Variants in LRRFIP1 observed in about 807,000 individuals in gnomAD.
LRRFIP1 encodes the protein LRR binding FLII interacting protein 1, also known as leucine-rich repeat flightless-interacting protein 1.
Under a neutral mutation model 104.4 loss-of-function variants are expected in LRRFIP1, and 62 were observed. That is an observed-to-expected ratio of 0.59 (90% CI 0.48 to 0.73). The LOEUF is 0.73. Ranked by LOEUF, LRRFIP1 falls within the 30% of genes least tolerant of loss-of-function variation. LRRFIP1 has a pLI of 0.00. For missense variants in LRRFIP1, 796 were observed against 824.5 expected (o/e 0.97, Z 0.42); for synonymous variants, 300 against 299.0 (o/e 1.00, Z -0.03).
intron 19 of LRRFIP1, chr2:237,768,438 A>C (rs758185668): frequency 7.2e-5 from 11 of 152,262 alleles, no homozygotes; most frequent in Non-Finnish European, 1.2e-4. Flanking sequence ...CTTCAAGATC[A>C]CATTCTGGTG....
At chr2:237,675,734 C>A (rs931956656) in intron 1 of LRRFIP1, among the ~76,000 whole-genome samples, 1 of 152,186 alleles carries the variant, frequency 6.6e-6, no homozygotes, top group Non-Finnish European at 1.5e-5. Context: ...AAAAAAATAT[C>A]TCTATCTTCC....
At chr2:237,774,217 C>T in intron 22 of LRRFIP1, 141 bp from the exon 23 acceptor site, 1 of 627,602 alleles carries the variant, frequency 1.6e-6, no homozygotes, top group East Asian at 2.8e-5. Flanking sequence ...AAACCCACAC[C>T]ATAGTCCAAA....
chr2:237,727,608 G>A (rs2094811561), intron 7 of LRRFIP1, among the ~76,000 whole-genome samples: 1 of 152,170 alleles, frequency 6.6e-6, no homozygotes, highest in Non-Finnish European at 1.5e-5. Context: ...GGAGGGACTT[G>A]GTGCCACTTT....
At chr2:237,636,352 C>CTTTTTT (rs59582281) in intron 1 of LRRFIP1, among the ~76,000 whole-genome samples, 11 of 124,414 alleles carry the variant, frequency 8.8e-5, no homozygotes, top group East Asian at 2.4e-4. Context: ...CCTTTCTTTT[C>CTTTTTT]TTTTTTTTTT....
intron 16 of LRRFIP1, 85 bp downstream of exon 16, chr2:237,756,272 G>C (rs886918625): frequency 2.1e-6 from 2 of 943,086 alleles, no homozygotes; most frequent in African/African-American, 3.3e-5. Flanking sequence ...TTAGGCTGCA[G>C]TAATAAAATA....
At position 237,764,150 on chromosome 2, in the gene LRRFIP1, G is replaced by A. The variant is rs758803371; in HGVS notation, c.1459+3945G>A. ...CTGTACCATGTCCTAAGCTGAGGCA[G>A]GCGGCAGGCGCGGTGCACAGGAAGT... On this transcript the variant is annotated intron_variant, in intron 19 of 23. Transcript: ENST00000308482. 20 of 1,614,168 alleles carry A rather than the reference G, an allele frequency of 1.2e-5. No individual in the cohort carries two copies. The South Asian group carries it at 2.1e-4, about 17-fold the overall frequency.
At chr2:237,756,998 G>A (rs145470092) in intron 16 of LRRFIP1, among the ~76,000 whole-genome samples, 211 of 151,748 alleles carry the variant, frequency 1.4e-3, no homozygotes, top group African/African-American at 4.9e-3. Flanking sequence ...AAGGAAAGCA[G>A]CTCAGTCTTA....
At chr2:237,745,569 C>G (rs556152862) in intron 11 of LRRFIP1, among the ~76,000 whole-genome samples, 1 of 152,132 alleles carries the variant, frequency 6.6e-6, no homozygotes, top group Non-Finnish European at 1.5e-5. Flanking sequence ...CAAAACCATG[C>G]AGAACAAAGA....
intron 18 of LRRFIP1, among the ~76,000 whole-genome samples, chr2:237,759,289 GCCAAGGCGTCTTCA>G (rs1559813262): frequency 6.6e-6 from 1 of 152,056 alleles, no homozygotes; most frequent in Non-Finnish European, 1.5e-5. Flanking sequence ...GGTGGGCCAC[GCCAAGGCGTCTTCA>G]GCCGCTGCTT....
intron 5 of LRRFIP1, among the ~76,000 whole-genome samples, chr2:237,719,940 C>CTTTTTTTTTTTTT (rs57355213): frequency 1.9e-5 from 2 of 103,974 alleles, no homozygotes; most frequent in Non-Finnish European, 3.8e-5. Flanking sequence ...GATGAAATTA[C>CTTTTTTTTTTTTT]TTTTTTTTTT....
Position 237,764,503 on chromosome 2 carries a change from T to A in LRRFIP1, c.1459+4298T>A, listed in dbSNP as rs1032285723. The stretch of plus-strand genomic sequence containing the variant: ...CTTGACCAAATATATCAGCATCTAA[T>A]TGAAATGACCAAATAGCATTCTTAG... On this transcript the variant is annotated intron_variant, in intron 19 of 23. Coordinates refer to ENST00000308482, the MANE Select transcript of LRRFIP1 (RefSeq NM_001137550.2). The A allele has an allele frequency of 6.3e-6, 7 of 1,112,952 alleles. No homozygotes were observed. The African/African-American group carries it at 9.8e-5, about 16-fold the overall frequency. The allele number at this position is 1,112,952 out of a possible 1,614,324, so 68.9% of individuals were successfully genotyped here.
intron 1 of LRRFIP1, among the ~76,000 whole-genome samples, chr2:237,635,350 G>A (rs1348443786): frequency 1.3e-5 from 2 of 152,184 alleles, no homozygotes; most frequent in Non-Finnish European, 2.9e-5. Flanking sequence ...GCTGTTCCTT[G>A]TGTGAGAAAG....
At chr2:237,743,685 C>A (rs890341261) in intron 11 of LRRFIP1, among the ~76,000 whole-genome samples, 9 of 151,980 alleles carry the variant, frequency 5.9e-5, no homozygotes, top group African/African-American at 1.9e-4. Context: ...TGCCCCAGCC[C>A]TCATGGGACG....
intron 1 of LRRFIP1, among the ~76,000 whole-genome samples, chr2:237,675,269 C>T (rs1259817575): frequency 6.6e-6 from 1 of 152,200 alleles, no homozygotes; most frequent in African/African-American, 2.4e-5. Context: ...CAAGCAACAC[C>T]TGTTTAGGGG....
chr2:237,692,626 G>T, intron 1 of LRRFIP1: 1 of 1,333,442 alleles, frequency 7.5e-7, no homozygotes, highest in African/African-American at 1.5e-5. Context: ...CCCGGGAGGC[G>T]TGGGGTGGGC....
intron 1 of LRRFIP1, among the ~76,000 whole-genome samples, chr2:237,653,305 G>C (rs190592594): frequency 6.6e-6 from 1 of 152,228 alleles, no homozygotes; most frequent in Admixed American, 6.5e-5. Context: ...TGTAAACAAG[G>C]AGGTGAAGGA....
chr2:237,703,906 T>C lies in LRRFIP1; in HGVS notation c.97-4638T>C, dbSNP rs1193424952. On this transcript the variant is annotated intron_variant, in intron 1 of 23. Coordinates refer to ENST00000308482, the MANE Select transcript of LRRFIP1 (RefSeq NM_001137550.2). This position sits in a 1 kb window ranked among gnomAD's most constrained non-coding sequence, Gnocchi z 4.3. The stretch of plus-strand genomic sequence containing the variant: ...AAAGTGACAGGCCGTGTTCAGAAGC[T>C]CTTCAAGCAGTCTGACGTGGCTGTG... Among the ~76,000 whole-genome samples, 1 of 152,108 alleles carries C rather than the reference T, an allele frequency of 6.6e-6. No homozygotes were observed. The highest frequency in any genetic ancestry group is 1.5e-5 in the Non-Finnish European group (1 of 68,024).
intron 1 of LRRFIP1, among the ~76,000 whole-genome samples, chr2:237,630,003 GAGA>G (rs1296455406): frequency 5.9e-5 from 9 of 152,176 alleles, no homozygotes; most frequent in Admixed American, 5.2e-4. Flanking sequence ...CTCTAAAATG[GAGA>G]AGAAGAAACC....
chr2:237,750,885 C>T lies in LRRFIP1; in HGVS notation c.796-315C>T, dbSNP rs569074443. 5.9e-5 allele frequency among the ~76,000 whole-genome samples: 9 copies of T among 152,200 alleles called. No homozygotes were observed. The South Asian group carries it at 1.9e-3, about 32-fold the overall frequency. Reference sequence around the variant, plus strand: ...TTGCACAGAGTAGGAACTCCTAGTGCTTGAATGAATTACTAAATAGGAGTT... The same window carrying T: ...TTGCACAGAGTAGGAACTCCTAGTGTTTGAATGAATTACTAAATAGGAGTT... On this transcript the variant is annotated intron_variant, in intron 13 of 23. Transcript: ENST00000308482.
Sources: gnomAD v4.1 joint callset for allele counts (sites outside exome capture counted in the v4.1 genomes callset) on GRCh38, gnomAD v4.1.1 for gene constraint, Gnocchi (gnomAD v3.1) non-coding constraint, MANE v1.5 for transcripts, NCBI Gene and HGNC (gene_info 2026-07-23, HGNC 2026-07-21) for gene names.